The following IGHMBP2 variants were observed in gnomAD, a reference collection of about 807,000 sequenced individuals.
IGHMBP2 encodes DNA-binding protein SMUBP-2.
IGHMBP2 carries 81 observed loss-of-function variants against 96.0 expected under a neutral mutation model. The ratio of observed to expected loss-of-function variants is 0.84; its 90% CI spans 0.71 to 1.01. IGHMBP2 has a LOEUF of 1.01. Among genes scored for constraint, IGHMBP2 ranks in the 50% least tolerant of loss-of-function variants. The pLI is 0.00. For synonymous variants in IGHMBP2, 557 were observed against 548.9 expected, an observed-to-expected ratio of 1.01 and a Z score of -0.21; for missense variants, 1,227 against 1,306.3, an observed-to-expected ratio of 0.94 and a Z score of 0.94.
chr11:68,924,002 C>T (rs926943883), intron 7 of IGHMBP2, among the ~76,000 whole-genome samples: 1 of 152,192 alleles, frequency 6.6e-6, no homozygotes, highest in Non-Finnish European at 1.5e-5. Context: ...CTCCTGGAAA[C>T]TCTCAAGGCA....
In IGHMBP2 at chr11:68,915,024, G is replaced by A; in HGVS notation, c.912+1G>A. The A allele has an allele frequency of 6.2e-7, 1 of 1,613,756 alleles. No homozygotes were observed. Among genetic ancestry groups the A allele is most frequent in the Non-Finnish European group, 8.5e-7 (1 of 1,179,810 alleles). On this transcript the variant is annotated splice_donor_variant, in intron 6 of 14. Coordinates refer to ENST00000255078, the MANE Select transcript of IGHMBP2 (RefSeq NM_002180.3). LOFTEE classifies it high-confidence loss of function. The stretch of plus-strand genomic sequence containing the variant: ...CAGGAAGGACATCGACCAGGTCTTT[G>A]TAGGTGTCATGGCCAGTGTCCATGT...
At chr11:68,935,206 T>C in intron 11 of IGHMBP2, 93 bp from the exon 12 acceptor site, 1 of 1,531,498 alleles carries the variant, frequency 6.5e-7, no homozygotes, top group African/African-American at 1.4e-5. Flanking sequence ...CCTGGCTGTT[T>C]CACAGCGTGA....
intron 6 of IGHMBP2, among the ~76,000 whole-genome samples, chr11:68,915,971 C>A (rs572805561): frequency 1.3e-5 from 2 of 151,430 alleles, no homozygotes. Context: ...GTCAGGAGTT[C>A]GAGACCAGCC....
rs1370872834 is a variant in IGHMBP2 at position 68,906,359 on chromosome 11, T to A, written c.256+121T>A. The A allele has an allele frequency of 3.6e-6, 4 of 1,097,268 alleles. No individual in the cohort carries two copies. The African/African-American group carries it at 6.1e-5, about 17-fold the overall frequency. 68.0% of individuals were successfully genotyped at this position (1,097,268 alleles called of 1,614,324 possible). ...AGAATAAAGCGTTGCAATGAAGAAC[T>A]CTTAATCAGAAGTCCAACAATTGAT... On this transcript the variant is annotated intron_variant, in intron 2 of 14. Transcript: ENST00000255078.
chr11:68,931,466 C>T lies in IGHMBP2; in HGVS notation c.1236-1833C>T, dbSNP rs547162926. On this transcript the variant is annotated intron_variant, in intron 8 of 14. Transcript: ENST00000255078. Reference sequence around the variant, plus strand: ...CGGAAAGGCAGATCCTACCTGTTCCCGGCTCCCCTAAGAGCACCGGGAGAC... The same window carrying T: ...CGGAAAGGCAGATCCTACCTGTTCCTGGCTCCCCTAAGAGCACCGGGAGAC... 7.2e-5 allele frequency among the ~76,000 whole-genome samples: 11 copies of T among 152,294 alleles called. No homozygotes were observed. The East Asian group carries it at 9.7e-4, about 13-fold the overall frequency.
At position 68,933,397 on chromosome 11, in the gene IGHMBP2, A is replaced by C. The variant is rs571142182; in HGVS notation, c.1334A>C (p.His445Pro). Residue 445 changes from histidine (H) to proline (P), a missense_variant, in exon 9 of 15, where the codon CAC (histidine) becomes CCC (proline). This residue lies in a region of IGHMBP2 where 703 missense variants were observed against 770.3 expected (regional missense o/e 0.91). Coordinates refer to ENST00000255078, the MANE Select transcript of IGHMBP2 (RefSeq NM_002180.3). ...VRTLTVQYRM[H>P]QAIMRWASDT... ...ACACTGACGGTGCAGTACCGCATGC[A>C]CCAGGCTATCATGCGCTGGGCCTCA... The C allele has an allele frequency of 1.9e-6, 3 of 1,613,174 alleles. No individual in the cohort carries two copies. The East Asian group carries it at 6.7e-5, about 36-fold the overall frequency.
At chr11:68,932,604 G>A (rs561054771) in intron 8 of IGHMBP2, 2 of 153,260 alleles carry the variant, frequency 1.3e-5, no homozygotes, top group Admixed American at 1.3e-4. Flanking sequence ...AGTGCCTGGC[G>A]CCTGGGCAGT....
rs541833561 is a variant in IGHMBP2, at chr11:68,939,601, A to C, written c.2852A>C (p.Tyr951Ser). ...RQRISREGVL[Y>S]AGSGTKNGSL... ...AGAATCAGCCGGGAAGGGGTCCTCTATGCCGGCAGCGGGACCAAGAACGGA... is the reference window on the plus strand; with the variant it reads ...AGAATCAGCCGGGAAGGGGTCCTCTCTGCCGGCAGCGGGACCAAGAACGGA... The change falls in exon 15 of 15, where the codon TAT becomes TCT. Residue 951 changes from tyrosine (Y) to serine (S), a missense_variant. Tyr to Ser is a moderately radical substitution (Grantham distance 144). This residue lies in a region of IGHMBP2 where 703 missense variants were observed against 770.3 expected (regional missense o/e 0.91). Transcript: ENST00000255078. The C allele has an allele frequency of 9.9e-6, 16 of 1,613,410 alleles. No individual in the cohort carries two copies. The African/African-American group carries it at 2.0e-4, about 20-fold the overall frequency.
In IGHMBP2 at chr11:68,929,802, C is replaced by T. The variant is rs569834694; in HGVS notation, c.1235+445C>T. 1.1e-4 allele frequency: 107 copies of T among 984,960 alleles called. 1 individual carries two copies. Among genetic ancestry groups the T allele is most frequent in the South Asian group, 3.3e-4 (7 of 21,260 alleles). The allele number at this position is 984,960 out of a possible 1,614,324, so 61.0% of individuals were successfully genotyped here. A position where few individuals can be genotyped will look rare whatever the true frequency, so the allele number is the denominator to read the frequency against. On this transcript the variant is annotated intron_variant, in intron 8 of 14. Transcript: ENST00000255078. ...GAGACTCAGCAAACCATGGTTCTGC[C>T]GTGCGGAGACACCGGAGCCCTGATG...
At chr11:68,914,301 A>G (rs80260419) in intron 5 of IGHMBP2, among the ~76,000 whole-genome samples, 10 of 151,824 alleles carry the variant, frequency 6.6e-5, no homozygotes, top group South Asian at 6.2e-4. Flanking sequence ...TCAAAAAAAA[A>G]AAAGAAAGAA....
Position 68,938,328 on chromosome 11 carries a change from T to C in IGHMBP2, c.2758T>C (p.Tyr920His), listed in dbSNP as rs769548002. 1 of 1,611,620 alleles carries C rather than the reference T, an allele frequency of 6.2e-7. No individual in the cohort carries two copies. The highest frequency in any genetic ancestry group is 1.1e-5 in the South Asian group (1 of 90,902). ...GQFCQLCSRR[Y>H]CLSHHLPEIH... The stretch of plus-strand genomic sequence containing the variant: ...GTTCTGCCAGCTCTGCAGCCGCCGC[T>C]ACTGCCTCAGCCACCACCTGCCCGA... Residue 920 changes from tyrosine to histidine, a missense_variant, in exon 14 of 15, where the codon TAC (tyrosine) becomes CAC (histidine). Around this residue, in one of 3 missense-constraint regions of IGHMBP2, gnomAD observed 703 missense variants for 770.3 expected, o/e 0.91. Coordinates refer to ENST00000255078, the MANE Select transcript of IGHMBP2 (RefSeq NM_002180.3).
At chr11:68,920,288 G>A (rs1015127578) in intron 7 of IGHMBP2, among the ~76,000 whole-genome samples, 5 of 152,042 alleles carry the variant, frequency 3.3e-5, no homozygotes, top group Admixed American at 1.3e-4. Context: ...ACAGTGGTGC[G>A]GTCAAAGCTG....
At chr11:68,916,102 A>AT (rs544607564) in intron 6 of IGHMBP2, among the ~76,000 whole-genome samples, 1 of 138,096 alleles carries the variant, frequency 7.2e-6, no homozygotes, top group Non-Finnish European at 1.6e-5. Context: ...TGAACCTGGG[A>AT]GGTGGAGGTT....
At chr11:68,923,852 T>A (rs762528622) in intron 7 of IGHMBP2, among the ~76,000 whole-genome samples, 6 of 151,644 alleles carry the variant, frequency 4.0e-5, no homozygotes, top group Non-Finnish European at 7.4e-5. Context: ...ATCTCTGGGG[T>A]TTTTTCTCTC....
rs772280279 is a variant in IGHMBP2 at position 68,908,161 on chromosome 11, G to C, written c.273G>C (p.Leu91=). ...TTTTTGCAGGTGATATCGTGGGCCT[G>C]TACGATGCTGCTAATGAGGGCAGTC... ...NSFTSGDIVG[L]YDAANEGSQL... The change falls in exon 3 of 15, where the codon CTG becomes CTC. Residue 91 remains leucine, a synonymous_variant. Transcript: ENST00000255078. The C allele has an allele frequency of 6.8e-6, 11 of 1,613,994 alleles. No homozygotes were observed. Among genetic ancestry groups the C allele is most frequent in the Non-Finnish European group, 7.6e-6 (9 of 1,179,994 alleles).
Position 68,939,731 on chromosome 11 carries a change from ACCGGC to A in IGHMBP2, c.*2_*6del. 6.2e-7 allele frequency: 1 copy of A among 1,606,858 alleles called. No individual in the cohort carries two copies. The highest frequency in any genetic ancestry group is 8.5e-7 in the Non-Finnish European group (1 of 1,177,590). ...GCCGGAGGAAGGAGAGGGGGACGTG[ACCGGC>A]CGCATCCTTGCACGCCCCGCGGAGC... On this transcript the variant is annotated 3_prime_UTR_variant, in exon 15 of 15. Transcript: ENST00000255078.
chr11:68,938,177 T>A lies in IGHMBP2; in HGVS notation c.2612-5T>A. On this transcript the variant is annotated splice_polypyrimidine_tract_variant and splice_region_variant and intron_variant, in intron 13 of 14. Transcript: ENST00000255078. ...GTTTGCCTGAGTGACGCGGGTCTTC[T>A]CCAGGACATCCGGCCACAGATCTGC... 1.2e-6 allele frequency: 2 copies of A among 1,614,002 alleles called. No individual in the cohort carries two copies. The highest frequency in any genetic ancestry group is 1.7e-6 in the Non-Finnish European group (2 of 1,179,998).
At chr11:68,927,571 G>T (rs1209870160) in intron 7 of IGHMBP2, among the ~76,000 whole-genome samples, 1 of 152,148 alleles carries the variant, frequency 6.6e-6, no homozygotes, top group Non-Finnish European at 1.5e-5. Context: ...GGAATATGTT[G>T]GAGCTTTTCA....
In IGHMBP2 at chr11:68,937,330, C is replaced by T. The variant is rs73527341; in HGVS notation, c.2611+239C>T. Reference sequence around the variant, plus strand: ...CCCTGTGTGGGACTCGGCAAGTAGGCAGCACTCAGAGCATGTCTGCAGCAG... The same window carrying T: ...CCCTGTGTGGGACTCGGCAAGTAGGTAGCACTCAGAGCATGTCTGCAGCAG... On this transcript the variant is annotated intron_variant, in intron 13 of 14. Transcript: ENST00000255078. Among the ~76,000 whole-genome samples the T allele has an allele frequency of 0.017, 2,634 of 152,242 alleles. 79 individuals are homozygous for T. The highest frequency in any genetic ancestry group is 0.059 in the African/African-American group (2,434 of 41,544).
Sources: gnomAD v4.1 joint callset for allele counts (sites outside exome capture counted in the v4.1 genomes callset) on GRCh38, gnomAD v4.1.1 for gene constraint, gnomAD v4.1.1 regional missense constraint, MANE v1.5 for transcripts, NCBI Gene and HGNC (gene_info 2026-07-23, HGNC 2026-07-21) for gene names.